Variants in HMCN2 observed in about 807,000 individuals in gnomAD.
HMCN2 encodes hemicentin 2.
In HMCN2, 325 loss-of-function variants were observed where a neutral mutation model predicts 377.5. That is an observed-to-expected ratio of 0.86 (90% CI 0.79 to 0.94). HMCN2 has a LOEUF of 0.94. Among genes scored for constraint, HMCN2 ranks in the 40% least tolerant of loss-of-function variants. The pLI is 0.00. For synonymous variants in HMCN2, 2,007 were observed against 2,046.8 expected, an observed-to-expected ratio of 0.98 and a Z score of 0.53; for missense variants, 4,543 against 4,725.3, an observed-to-expected ratio of 0.96 and a Z score of 1.13.
chr9:130,311,778 C>T (rs1036614369), intron 15 of HMCN2, among the ~76,000 whole-genome samples: 3 of 152,096 alleles, frequency 2.0e-5, no homozygotes, highest in South Asian at 2.1e-4. Context: ...GGCAGCAGGA[C>T]GGCTGCCACC....
intron 66 of HMCN2, among the ~76,000 whole-genome samples, chr9:130,392,807 T>C (rs575287727): frequency 1.8e-4 from 27 of 152,116 alleles, no homozygotes; most frequent in East Asian, 1.7e-3. Context: ...CCATCCTGGC[T>C]AACACGGTGA....
intron 61 of HMCN2, among the ~76,000 whole-genome samples, chr9:130,387,959 T>G (rs187942568): frequency 6.6e-6 from 1 of 152,332 alleles, no homozygotes; most frequent in East Asian, 1.9e-4. Flanking sequence ...GACACCAGGC[T>G]TGCTGCTCAA....
At chr9:130,352,827 GGT>G in intron 30 of HMCN2, 98 bp from the exon 31 acceptor site, 1 of 990,022 alleles carries the variant, frequency 1.0e-6, no homozygotes. Flanking sequence ...GGAAGCCTGT[GGT>G]GTGTCTTGTG....
intron 33 of HMCN2, 67 bp downstream of exon 33, chr9:130,355,921 G>A (rs1840001830): frequency 9.4e-7 from 1 of 1,058,872 alleles, no homozygotes; most frequent in Non-Finnish European, 1.3e-6. Flanking sequence ...CGGATTGTGG[G>A]GGGAAGTGGA....
rs560914022 is a variant in HMCN2, at chr9:130,348,630, C to A, written c.4110C>A (p.Asn1370Lys). 19 of 1,296,630 alleles carry A rather than the reference C, an allele frequency of 1.5e-5. No homozygotes were observed. Among genetic ancestry groups the A allele is most frequent in the African/African-American group, 4.6e-5 (3 of 64,606 alleles). 80.3% of individuals were successfully genotyped at this position (1,296,630 alleles called of 1,614,324 possible). A position where few individuals can be genotyped will look rare whatever the true frequency, so the allele number is the denominator to read the frequency against. ...GQSLTLECDA[N>K]GFPVPEIVWL... ...CCCTGACGCTGGAGTGTGACGCGAACGGCTTTCCAGTCCCTGAGATCGTGT... is the reference window on the plus strand; with the variant it reads ...CCCTGACGCTGGAGTGTGACGCGAAAGGCTTTCCAGTCCCTGAGATCGTGT... The change falls in exon 27 of 98, where the codon AAC becomes AAA. Residue 1370 changes from asparagine to lysine, a missense_variant. By Grantham distance (94) the Asn-to-Lys change is moderately conservative (BLOSUM62 0). Around this residue, in one of 5 missense-constraint regions of HMCN2, gnomAD observed 1,032 missense variants for 1,285.1 expected, o/e 0.80. Transcript: ENST00000683500.
chr9:130,314,226 G>C (rs1837422168), intron 15 of HMCN2, among the ~76,000 whole-genome samples: 1 of 152,204 alleles, frequency 6.6e-6, no homozygotes, highest in African/African-American at 2.4e-5. Context: ...CATCCTTTGG[G>C]GAGGGGAGTT....
In HMCN2 at chr9:130,356,229, C is replaced by T. The variant is rs1840019966; in HGVS notation, c.5397C>T (p.Ala1799=). Residue 1799 remains alanine, a synonymous_variant, in exon 34 of 98, where the codon GCC becomes GCT. Transcript: ENST00000683500. The part of the protein sequence containing the change: ...ACQATNEAGT[A]GAEVEVSVHE... Reference sequence around the variant, plus strand: ...AGGCCACCAATGAGGCGGGCACTGCCGGGGCCGAGGTGGAGGTGTCTGTGC... The same window carrying T: ...AGGCCACCAATGAGGCGGGCACTGCTGGGGCCGAGGTGGAGGTGTCTGTGC... 3.1e-6 allele frequency: 4 copies of T among 1,301,752 alleles called. No individual in the cohort carries two copies. The highest frequency in any genetic ancestry group is 1.2e-5 in the South Asian group (1 of 80,768). The allele number at this position is 1,301,752 out of a possible 1,614,324, so 80.6% of individuals were successfully genotyped here. A position where few individuals can be genotyped will look rare whatever the true frequency, so the allele number is the denominator to read the frequency against.
Position 130,429,592 on chromosome 9 carries a change from C to G in HMCN2, c.14233C>G (p.His4745Asp). Residue 4745 changes from histidine to aspartate, a missense_variant, in exon 94 of 98, where the codon CAC becomes GAC. His to Asp is a moderately conservative substitution (Grantham distance 81, BLOSUM62 -1). Coordinates refer to ENST00000683500, the MANE Select transcript of HMCN2 (RefSeq NM_001291815.2). ...ATGCCTGGAGGGGTTGGACGACTGT[C>G]ACTACAACCAGCTCTGCGAGAACAC... ...DECLEGLDDC[H>D]YNQLCENTPG... is the part of the protein sequence containing the mutation. 6.4e-7 allele frequency: 1 copy of G among 1,550,438 alleles called. No individual in the cohort carries two copies. Among genetic ancestry groups the G allele is most frequent in the Non-Finnish European group, 8.7e-7 (1 of 1,146,880 alleles).
chr9:130,412,885 C>T (rs6597670), intron 85 of HMCN2, among the ~76,000 whole-genome samples: 121,701 of 152,088 alleles, frequency 0.8, 49,188 homozygotes, highest in Non-Finnish European at 0.88. Context: ...TTTTCTTATA[C>T]GATTTTTGTA....
chr9:130,399,404 G>C (rs1292292902), intron 75 of HMCN2, 107 bp from the exon 76 acceptor site: 1 of 1,141,760 alleles, frequency 8.8e-7, no homozygotes, highest in African/African-American at 1.6e-5. Flanking sequence ...CAGGGCTGGA[G>C]GTCAGATACA....
At chr9:130,371,710 A>G (rs974863309) in intron 46 of HMCN2, among the ~76,000 whole-genome samples, 2 of 152,232 alleles carry the variant, frequency 1.3e-5, no homozygotes, top group African/African-American at 4.8e-5. Context: ...ATTTCTGAGC[A>G]CTTGGTAAGA....
At position 130,353,052 on chromosome 9, in the gene HMCN2, G is replaced by A. The variant is rs927100153; in HGVS notation, c.4711G>A (p.Ala1571Thr). Residue 1571 changes from alanine to threonine, a missense_variant, in exon 31 of 98, where the codon GCC becomes ACC. Ala to Thr is a moderately conservative substitution (Grantham distance 58). This residue lies in a region of HMCN2 where 1,032 missense variants were observed against 1,285.1 expected (regional missense o/e 0.80). Coordinates refer to ENST00000683500, the MANE Select transcript of HMCN2 (RefSeq NM_001291815.2). Reference protein sequence around the residue: ...TPNITWFKDGALLPTSTKVVY... With the variant: ...TPNITWFKDGTLLPTSTKVVY... Reference sequence around the variant, plus strand: ...AAACATCACCTGGTTCAAGGACGGGGCCCTGCTCCCCACCAGCACCAAGGT... The same window carrying A: ...AAACATCACCTGGTTCAAGGACGGGACCCTGCTCCCCACCAGCACCAAGGT... 2 of 1,304,084 alleles carry A rather than the reference G, an allele frequency of 1.5e-6. No individual in the cohort carries two copies. The highest frequency in any genetic ancestry group is 2.0e-6 in the Non-Finnish European group (2 of 988,934). The allele number at this position is 1,304,084 out of a possible 1,614,324, so 80.8% of individuals were successfully genotyped here. A position where few individuals can be genotyped will look rare whatever the true frequency, so the allele number is the denominator to read the frequency against.
rs1048955013 is a variant in HMCN2 at position 130,428,816 on chromosome 9, A to AT, written c.14197+328dup. ...CTGCTGCCATCCGTTCTGTTCCCCC[A>AT]TATGAATCAAGGCCCAGCTAGAGAC... is the stretch of plus-strand genomic sequence containing the variant. On this transcript the variant is annotated intron_variant, in intron 93 of 97. Transcript: ENST00000683500. This position sits in a 1 kb window ranked among gnomAD's most constrained non-coding sequence, Gnocchi z 5.0. 6.6e-5 allele frequency among the ~76,000 whole-genome samples: 10 copies of AT among 152,188 alleles called. No individual in the cohort carries two copies. The highest frequency in any genetic ancestry group is 1.2e-4 in the Non-Finnish European group (8 of 68,020).
At chr9:130,421,319 T>G (rs1843992730) in intron 86 of HMCN2, among the ~76,000 whole-genome samples, 1 of 152,208 alleles carries the variant, frequency 6.6e-6, no homozygotes, top group South Asian at 2.1e-4. Context: ...GCTGCGTATC[T>G]TTGTGTGTGG....
In HMCN2 at chr9:130,429,599, A is replaced by G; in HGVS notation, c.14240A>G (p.Asn4747Ser). 1 of 1,550,350 alleles carries G rather than the reference A, an allele frequency of 6.5e-7. No individual in the cohort carries two copies. The highest frequency in any genetic ancestry group is 8.7e-7 in the Non-Finnish European group (1 of 1,146,850). Residue 4747 changes from asparagine to serine, a missense_variant, in exon 94 of 98, where the codon AAC (asparagine) becomes AGC (serine). Around this residue, in one of 5 missense-constraint regions of HMCN2, gnomAD observed 1,155 missense variants for 1,157.7 expected, o/e 1.00. Coordinates refer to ENST00000683500, the MANE Select transcript of HMCN2 (RefSeq NM_001291815.2). ...GAGGGGTTGGACGACTGTCACTACAACCAGCTCTGCGAGAACACCCCAGGC... is the reference window on the plus strand; with the variant it reads ...GAGGGGTTGGACGACTGTCACTACAGCCAGCTCTGCGAGAACACCCCAGGC... ...CLEGLDDCHY[N>S]QLCENTPGGH...
rs555907520 is a variant in HMCN2 at position 130,297,861 on chromosome 9, G to A, written c.1012+1067G>A. 1.4e-3 allele frequency among the ~76,000 whole-genome samples: 206 copies of A among 152,292 alleles called. 1 individual carries two copies. Among genetic ancestry groups the A allele is most frequent in the African/African-American group, 4.6e-3 (192 of 41,570 alleles). The stretch of plus-strand genomic sequence containing the variant: ...AAGATATCCTATGTGTAGTGATGGC[G>A]CGGGGACTGAAAACTGGCCTGTCCC... On this transcript the variant is annotated intron_variant, in intron 7 of 97. Transcript: ENST00000683500.
Position 130,369,458 on chromosome 9 carries a change from C to A in HMCN2, c.6788-112C>A. 2 of 530,764 alleles carry A rather than the reference C, an allele frequency of 3.8e-6. No homozygotes were observed. Among genetic ancestry groups the A allele is most frequent in the Non-Finnish European group, 4.8e-6 (2 of 414,194 alleles). 32.9% of individuals were successfully genotyped at this position (530,764 alleles called of 1,614,324 possible). ...ATGGAGGTGAGGTCACGAGGTCACACAGCCAGCGATGGCAAGGGGAGAGGG... is the reference window on the plus strand; with the variant it reads ...ATGGAGGTGAGGTCACGAGGTCACAAAGCCAGCGATGGCAAGGGGAGAGGG... On this transcript the variant is annotated intron_variant, in intron 44 of 97. Transcript: ENST00000683500. This position sits in a 1 kb window ranked among gnomAD's most constrained non-coding sequence, Gnocchi z 4.5.
At chr9:130,426,760 A>ATTTT (rs71387349) in intron 90 of HMCN2, among the ~76,000 whole-genome samples, 25 of 143,604 alleles carry the variant, frequency 1.7e-4, no homozygotes, top group African/African-American at 5.9e-4. Flanking sequence ...ATTTTTTGTG[A>ATTTT]TTTTTTTTTT....
At chr9:130,318,176 C>G (rs977455748) in intron 15 of HMCN2, among the ~76,000 whole-genome samples, 36 of 152,320 alleles carry the variant, frequency 2.4e-4, no homozygotes, top group Middle Eastern at 3.4e-3. Flanking sequence ...AGTCTTCCTA[C>G]TCGCAGTAAT....
Sources: gnomAD v4.1 joint callset for allele counts (sites outside exome capture counted in the v4.1 genomes callset) on GRCh38, gnomAD v4.1.1 for gene constraint, gnomAD v4.1.1 regional missense constraint, Gnocchi (gnomAD v3.1) non-coding constraint, MANE v1.5 for transcripts, NCBI Gene and HGNC (gene_info 2026-07-23, HGNC 2026-07-21) for gene names.